PCDHGA9: variants seen among roughly 807,000 people sequenced by gnomAD.
PCDHGA9 encodes the protein protocadherin gamma-A9.
Under a neutral mutation model 62.5 loss-of-function variants are expected in PCDHGA9, and 37 were observed. That is an observed-to-expected ratio of 0.59 (90% CI 0.46 to 0.78). The LOEUF is 0.78. Among genes scored for constraint, PCDHGA9 ranks in the 30% least tolerant of loss-of-function variants. The probability of loss-of-function intolerance (pLI) is 0.00; values close to 1 mark genes in which losing one functional copy is unlikely to be tolerated. For synonymous variants in PCDHGA9, 459 were observed against 484.6 expected, an observed-to-expected ratio of 0.95 and a Z score of 0.69; for missense variants, 1,138 against 1,166.2, an observed-to-expected ratio of 0.98 and a Z score of 0.35.
intron 3 of PCDHGA9, chr5:141,508,179 AG>A (rs1250335236): frequency 1.3e-5 from 2 of 152,326 alleles, no homozygotes; most frequent in Non-Finnish European, 2.9e-5. Flanking sequence ...ACAGGAGAGA[AG>A]GCATCACCCC....
At position 141,476,395 on chromosome 5, in the gene PCDHGA9, T is replaced by C. The variant is rs545562470; in HGVS notation, c.2425-18412T>C. 4 of 1,614,020 alleles carry C rather than the reference T, an allele frequency of 2.5e-6. 1 individual carries two copies. In the South Asian group the frequency reaches 4.4e-5, roughly 18 times the overall value. On this transcript the variant is annotated intron_variant, in intron 1 of 3. Transcript: ENST00000573521. This position sits in a 1 kb window ranked among gnomAD's most constrained non-coding sequence, Gnocchi z 7.6. ...AGATGTTTGTGAACGACCGTCTGGATCGAGAGGAGCTGTGTGGGACACTGC... is the reference window on the plus strand; with the variant it reads ...AGATGTTTGTGAACGACCGTCTGGACCGAGAGGAGCTGTGTGGGACACTGC...
chr5:141,433,408 A>ATCTATCT (rs1413347413), intron 1 of PCDHGA9, among the ~76,000 whole-genome samples: 44 of 127,346 alleles, frequency 3.5e-4, no homozygotes, highest in African/African-American at 1.2e-3. Context: ...TCTATCTATT[A>ATCTATCT]CTTTCTTGTA....
intron 1 of PCDHGA9, chr5:141,409,801 G>A: frequency 1.2e-6 from 2 of 1,611,946 alleles, no homozygotes; most frequent in South Asian, 2.2e-5. Context: ...TCACGCTGCA[G>A]GCCCGCGACC....
intron 1 of PCDHGA9, among the ~76,000 whole-genome samples, chr5:141,450,099 C>T (rs2098669229): frequency 6.6e-6 from 1 of 151,500 alleles, no homozygotes; most frequent in African/African-American, 2.4e-5. Flanking sequence ...CTCCGCCTCC[C>T]AGGTTCAAAT....
intron 1 of PCDHGA9, chr5:141,427,308 G>A (rs2097014480): frequency 2.2e-6 from 1 of 456,846 alleles, no homozygotes; most frequent in Non-Finnish European, 4.4e-6. Flanking sequence ...GAATGACAAT[G>A]CCCCAGACGT....
At chr5:141,501,206 A>G (rs977574347) in intron 2 of PCDHGA9, among the ~76,000 whole-genome samples, 22 of 151,674 alleles carry the variant, frequency 1.5e-4, no homozygotes, top group African/African-American at 5.3e-4. Context: ...GGGTGTTGTC[A>G]GGGTGACTTC....
At chr5:141,416,761 C>G (rs1371541017) in intron 1 of PCDHGA9, 2 of 152,140 alleles carry the variant, frequency 1.3e-5, no homozygotes, top group Non-Finnish European at 2.9e-5. Context: ...AGGTAGATCT[C>G]TTAATTTTAT....
chr5:141,421,787 C>A (rs753196648), intron 1 of PCDHGA9: 1 of 1,613,812 alleles, frequency 6.2e-7, no homozygotes, highest in East Asian at 2.2e-5. Flanking sequence ...CGGGGCAGAA[C>A]GGATGGGGCC....
intron 2 of PCDHGA9, among the ~76,000 whole-genome samples, chr5:141,500,399 C>T (rs966328306): frequency 1.3e-5 from 2 of 151,806 alleles, no homozygotes; most frequent in South Asian, 2.1e-4. Context: ...TTAGTAGAGA[C>T]GGGGTTTCAC....
At chr5:141,414,088 A>G in intron 1 of PCDHGA9, 3 of 1,599,384 alleles carry the variant, frequency 1.9e-6, no homozygotes, top group Non-Finnish European at 8.5e-7. Context: ...TACTGGAGAA[A>G]TAAAAATATC....
At chr5:141,502,231 G>A (rs2099813372) in intron 2 of PCDHGA9, among the ~76,000 whole-genome samples, 1 of 152,172 alleles carries the variant, frequency 6.6e-6, no homozygotes, top group Non-Finnish European at 1.5e-5. Context: ...TGTTCTGTGT[G>A]TTCTTTTATC....
chr5:141,426,310 A>G, intron 1 of PCDHGA9: 1 of 173,588 alleles, frequency 5.8e-6, no homozygotes. Context: ...GAAGCAGAGA[A>G]GCAGGACCCG....
At chr5:141,494,445 A>G (rs1424475551) in intron 1 of PCDHGA9, among the ~76,000 whole-genome samples, 1 of 152,158 alleles carries the variant, frequency 6.6e-6, no homozygotes, top group East Asian at 1.9e-4. Flanking sequence ...TTGCCACTTT[A>G]GGGGGCTTTG....
In PCDHGA9 at chr5:141,403,054, A is replaced by C; in HGVS notation, c.102A>C (p.Ser34=). 1 of 1,614,062 alleles carries C rather than the reference A, an allele frequency of 6.2e-7. No individual in the cohort carries two copies. Among genetic ancestry groups the C allele is most frequent in the Middle Eastern group, 1.6e-4 (1 of 6,062 alleles). ...CCAGGGCCAGTCAGATTCGCTACTCAGTGCCTGAAGAGACAGAAAAGGGCT... is the reference window on the plus strand; with the variant it reads ...CCAGGGCCAGTCAGATTCGCTACTCCGTGCCTGAAGAGACAGAAAAGGGCT... ...WEARASQIRY[S]VPEETEKGYI... is the part of the protein sequence containing the mutation. Residue 34 remains serine, a synonymous_variant, in exon 1 of 4, where the codon TCA becomes TCC. Transcript: ENST00000573521.
In PCDHGA9 at chr5:141,491,759, G is replaced by C. The variant is rs746395685; in HGVS notation, c.2425-3048G>C. 3 of 1,575,392 alleles carry C rather than the reference G, an allele frequency of 1.9e-6. No individual in the cohort carries two copies. Among genetic ancestry groups the C allele is most frequent in the Non-Finnish European group, 2.6e-6 (3 of 1,161,808 alleles). ...GGGGGCGGCACTGGAGAAGCCGCCC[G>C]TCCTCATAAGGGATTGAACTTGCAT... On this transcript the variant is annotated intron_variant, in intron 1 of 3. Coordinates refer to ENST00000573521, the MANE Select transcript of PCDHGA9 (RefSeq NM_018921.3). The surrounding 1 kb of genome is among the most constrained non-coding windows in gnomAD (Gnocchi z 6.9).
At chr5:141,416,947 T>G (rs1436457377) in intron 1 of PCDHGA9, 1 of 152,184 alleles carries the variant, frequency 6.6e-6, no homozygotes, top group Non-Finnish European at 1.5e-5. Flanking sequence ...CCATTGAAAC[T>G]ATTATTTTAT....
intron 1 of PCDHGA9, among the ~76,000 whole-genome samples, chr5:141,494,218 T>C (rs1224329242): frequency 1.3e-5 from 2 of 152,222 alleles, no homozygotes; most frequent in South Asian, 2.1e-4. Context: ...CAATCTGGCA[T>C]GACTCCTAAA....
chr5:141,410,101 C>T, intron 1 of PCDHGA9: 1 of 1,612,490 alleles, frequency 6.2e-7, no homozygotes, highest in African/African-American at 1.3e-5. Flanking sequence ...GAGCCTTAGG[C>T]GACAGGGACG....
intron 2 of PCDHGA9, among the ~76,000 whole-genome samples, chr5:141,497,832 G>A (rs1326640712): frequency 1.3e-5 from 2 of 151,992 alleles, no homozygotes; most frequent in Non-Finnish European, 2.9e-5. Context: ...GATCGCCCCC[G>A]GCCACAACAA....
Sources: allele counts gnomAD v4.1 joint callset (sites outside exome capture counted in the v4.1 genomes callset), GRCh38; gene constraint gnomAD v4.1.1; non-coding constraint Gnocchi (gnomAD v3.1); transcripts MANE v1.5; gene names NCBI Gene and HGNC (gene_info 2026-07-23, HGNC 2026-07-21).